Variants in BCL2L15 observed in about 807,000 individuals in gnomAD.
BCL2L15 encodes the protein BCL2 like 15, also known as bcl-2-like protein 15.
Under a neutral mutation model 18.3 loss-of-function variants are expected in BCL2L15, and 15 were observed. The observed-to-expected ratio is 0.82, with a 90% CI of 0.55 to 1.26. The LOEUF (loss-of-function observed/expected upper bound fraction) is 1.26, where lower values mean the gene tolerates loss of function less well. BCL2L15 is among the 50% of genes most tolerant of loss of function. The pLI is 0.00. For missense variants in BCL2L15, 180 were observed against 201.7 expected (o/e 0.89, Z 0.65); for synonymous variants, 58 against 68.5 (o/e 0.85, Z 0.76).
intron 1 of BCL2L15, 39 bp downstream of exon 1, chr1:113,887,210 T>C (rs1204493699): frequency 6.3e-7 from 1 of 1,592,938 alleles, no homozygotes; most frequent in South Asian, 1.1e-5. Flanking sequence ...AAACATACTC[T>C]TATTGACCTG....
rs1666843125 is a variant in BCL2L15, at chr1:113,880,458, C to T, written c.*665G>A. ...TGGCTAACACGGCGAAACCTCATCT[C>T]TACTAAAAATACAAAAAATTAGCCG... On this transcript the variant is annotated 3_prime_UTR_variant, in exon 4 of 4. Transcript: ENST00000393316. 1 of 152,238 alleles carries T rather than the reference C, an allele frequency of 6.6e-6. No individual in the cohort carries two copies. Among genetic ancestry groups the T allele is most frequent in the South Asian group, 2.1e-4 (1 of 4,830 alleles). 9.4% of individuals were successfully genotyped at this position (152,238 alleles called of 1,614,324 possible). A position where few individuals can be genotyped will look rare whatever the true frequency, so the allele number is the denominator to read the frequency against.
At chr1:113,885,393 T>C (rs535158841) in intron 2 of BCL2L15, among the ~76,000 whole-genome samples, 31 of 152,234 alleles carry the variant, frequency 2.0e-4, no homozygotes, top group Non-Finnish European at 3.7e-4. Context: ...AAGCTGTGTA[T>C]AGTAGGACGA....
intron 2 of BCL2L15, among the ~76,000 whole-genome samples, chr1:113,885,687 T>C (rs1193950111): frequency 6.6e-6 from 1 of 152,166 alleles, no homozygotes; most frequent in Admixed American, 6.5e-5. Context: ...TTTGTATTTT[T>C]AGGTAGAGAC....
At chr1:113,883,786 A>G (rs1470384720) in intron 2 of BCL2L15, among the ~76,000 whole-genome samples, 1 of 152,182 alleles carries the variant, frequency 6.6e-6, no homozygotes, top group Non-Finnish European at 1.5e-5. Context: ...CCCGTCTCAA[A>G]AAATAAAAGA....
Position 113,876,848 on chromosome 1 carries a change from TA to T in BCL2L15, c.*4274del, listed in dbSNP as rs1244573306. On this transcript the variant is annotated 3_prime_UTR_variant, in exon 4 of 4. Transcript: ENST00000393316. ...ATCAGCTATTCATTCATTTAATGAA[TA>T]TTTTTAATATCGATGTACATGCCAG... Among the ~76,000 whole-genome samples the T allele has an allele frequency of 3.1e-4, 47 of 152,298 alleles. No homozygotes were observed. The highest frequency in any genetic ancestry group is 1.0e-3 in the African/African-American group (43 of 41,558).
rs749873143 is a variant in BCL2L15, at chr1:113,886,517, G to A, written c.249+20C>T. On this transcript the variant is annotated intron_variant, in intron 2 of 3. Transcript: ENST00000393316. ...ATAGAAAAAAAAGCAGCAAACAATA[G>A]CATGAAGTAGAAACTTGACCTGTCC... 6.3e-7 allele frequency: 1 copy of A among 1,597,236 alleles called. No individual in the cohort carries two copies. Among genetic ancestry groups the A allele is most frequent in the South Asian group, 1.1e-5 (1 of 87,640 alleles).
chr1:113,881,259 G>T, intron 3 of BCL2L15, 119 bp from the exon 4 acceptor site: 1 of 1,459,982 alleles, frequency 6.8e-7, no homozygotes, highest in South Asian at 1.2e-5. Flanking sequence ...GGCTTTCACT[G>T]ACCCTGTAAA....
At chr1:113,886,469 G>A in intron 2 of BCL2L15, 68 bp downstream of exon 2, 2 of 1,486,236 alleles carry the variant, frequency 1.3e-6, no homozygotes, top group South Asian at 1.3e-5. Flanking sequence ...TAGTATGGGA[G>A]TAGTAAGAAA....
intron 3 of BCL2L15, chr1:113,881,407 A>T: frequency 8.4e-7 from 1 of 1,188,124 alleles, no homozygotes; most frequent in Non-Finnish European, 1.1e-6. Flanking sequence ...TCCCTAACAC[A>T]CACATAGAGA....
rs551178343 is a variant in BCL2L15 at position 113,887,291 on chromosome 1, C to T, written c.85G>A (p.Val29Ile). The T allele has an allele frequency of 1.1e-5, 18 of 1,614,196 alleles. No homozygotes were observed. The South Asian group carries it at 1.8e-4, about 16-fold the overall frequency. ...ACACAGCATAGGTTCCGGCTGGCAA[C>T]CTGCAATGTTGGGCTCAAGAAGTCC... ...LMDFLSPTLQ[V>I]ASRNLCCVDE... The change falls in exon 1 of 4, where the codon GTT becomes ATT. Residue 29 changes from valine (V) to isoleucine (I), a missense_variant. By Grantham distance (29) the Val-to-Ile change is conservative. Coordinates refer to ENST00000393316, the MANE Select transcript of BCL2L15 (RefSeq NM_001010922.3).
rs1338167532 is a variant in BCL2L15 at position 113,878,232 on chromosome 1, C to G, written c.*2891G>C. On this transcript the variant is annotated 3_prime_UTR_variant, in exon 4 of 4. Coordinates refer to ENST00000393316, the MANE Select transcript of BCL2L15 (RefSeq NM_001010922.3). ...TCTTATTAATAAGTTACCAAATCAT[C>G]TCTATTTTACAAATGTAGAAACTAA... 6.6e-6 allele frequency: 1 copy of G among 152,218 alleles called. No homozygotes were observed. The allele number at this position is 152,218 out of a possible 1,614,324, so 9.4% of individuals were successfully genotyped here.
chr1:113,887,306 T>G lies in BCL2L15; in HGVS notation c.70A>C (p.Ser24Arg). 6.2e-7 allele frequency: 1 copy of G among 1,614,174 alleles called. No individual in the cohort carries two copies. Among genetic ancestry groups the G allele is most frequent in the Middle Eastern group, 1.6e-4 (1 of 6,062 alleles). Reference protein sequence around the residue: ...IVNTLLMDFLSPTLQVASRNL... With the variant: ...IVNTLLMDFLRPTLQVASRNL... ...CGGCTGGCAACCTGCAATGTTGGGC[T>G]CAAGAAGTCCATGAGTAGAGTGTTC... is the stretch of plus-strand genomic sequence containing the variant. Residue 24 changes from serine to arginine, a missense_variant, in exon 1 of 4, where the codon AGC (serine) becomes CGC (arginine). Physicochemically the swap from Ser to Arg is moderately radical, Grantham distance 110. Transcript: ENST00000393316.
At chr1:113,883,107 A>G (rs1031987196) in intron 2 of BCL2L15, among the ~76,000 whole-genome samples, 1 of 152,154 alleles carries the variant, frequency 6.6e-6, no homozygotes, top group Non-Finnish European at 1.5e-5. Context: ...TCAGAGCTGA[A>G]TATCAGAGCC....
intron 2 of BCL2L15, among the ~76,000 whole-genome samples, chr1:113,883,731 C>T (rs1053507234): frequency 3.3e-5 from 5 of 152,196 alleles, no homozygotes; most frequent in South Asian, 2.1e-4. Flanking sequence ...TTGCAGTGAG[C>T]GGAGATCGTG....
chr1:113,886,449 C>G, intron 2 of BCL2L15, 88 bp downstream of exon 2: 1 of 1,322,102 alleles, frequency 7.6e-7, no homozygotes, highest in Non-Finnish European at 1.0e-6. Flanking sequence ...TAGAACATTC[C>G]TAGTCACTGT....
rs540177336 is a variant in BCL2L15, at chr1:113,877,250, C to A, written c.*3873G>T. 6.6e-6 allele frequency among the ~76,000 whole-genome samples: 1 copy of A among 150,520 alleles called. No individual in the cohort carries two copies. Among genetic ancestry groups the A allele is most frequent in the Admixed American group, 6.6e-5 (1 of 15,116 alleles). On this transcript the variant is annotated 3_prime_UTR_variant, in exon 4 of 4. Transcript: ENST00000393316. ...CATGATTGATTAAGGCTATATAGGGCAGTTAGGGCCAGATACTGGGGGAAT... is the reference window on the plus strand; with the variant it reads ...CATGATTGATTAAGGCTATATAGGGAAGTTAGGGCCAGATACTGGGGGAAT...
At chr1:113,881,221 T>C in intron 3 of BCL2L15, 81 bp from the exon 4 acceptor site, 2 of 1,598,128 alleles carry the variant, frequency 1.3e-6, no homozygotes, top group Admixed American at 1.7e-5. Context: ...GATCTGCAGA[T>C]AGCTCCAGGA....
rs1666767744 is a variant in BCL2L15, at chr1:113,877,945, T to G, written c.*3178A>C. ...TGGGGATAAGAAAGGTACACATAAA[T>G]AAATAATAAGCATCTGTGGGTATGG... On this transcript the variant is annotated 3_prime_UTR_variant, in exon 4 of 4. Coordinates refer to ENST00000393316, the MANE Select transcript of BCL2L15 (RefSeq NM_001010922.3). Among the ~76,000 whole-genome samples the G allele has an allele frequency of 6.6e-6, 1 of 152,074 alleles. No homozygotes were observed. The highest frequency in any genetic ancestry group is 1.5e-5 in the Non-Finnish European group (1 of 68,016).
chr1:113,882,307 A>C (rs1458169435), intron 2 of BCL2L15, among the ~76,000 whole-genome samples: 5 of 152,234 alleles, frequency 3.3e-5, no homozygotes, highest in Non-Finnish European at 7.3e-5. Flanking sequence ...CAGCTGGTTA[A>C]ATTGTAAAGG....
Sources: gnomAD v4.1 joint callset for allele counts (sites outside exome capture counted in the v4.1 genomes callset) on GRCh38, gnomAD v4.1.1 for gene constraint, MANE v1.5 for transcripts, NCBI Gene and HGNC (gene_info 2026-07-23, HGNC 2026-07-21) for gene names.